DMD: variants seen among roughly 807,000 people sequenced by gnomAD.
DMD encodes the protein mutant dystrophin.
In DMD, 63 loss-of-function variants were observed where a neutral mutation model predicts 330.1. That is an observed-to-expected ratio of 0.19 (90% CI 0.16 to 0.24). The LOEUF (loss-of-function observed/expected upper bound fraction) is 0.24. Among genes scored for constraint, DMD ranks in the 10% least tolerant of loss-of-function variants. DMD has a pLI of 1.00. For missense variants in DMD, 3,344 were observed against 2,684.1 expected, an observed-to-expected ratio of 1.25 and a Z score of -5.43; for synonymous variants, 1,223 against 959.8, an observed-to-expected ratio of 1.27 and a Z score of -5.07.
intron 43 of DMD, among the ~76,000 whole-genome samples, chrX:32,240,870 A>G (rs2148060926): frequency 9.0e-6 from 1 of 111,527 alleles, no homozygotes; most frequent in East Asian, 2.8e-4. Context: ...TGGGGACATG[A>G]AATGTAATTG....
At position 31,121,426 on chromosome X, in the gene DMD, TTGTGTGTGTGTGTGTATG is replaced by T. The variant is rs891486611; in HGVS notation, c.*475_*492del. On this transcript the variant is annotated 3_prime_UTR_variant, in exon 79 of 79. Coordinates refer to ENST00000357033, the MANE Select transcript of DMD (RefSeq NM_004006.3). ...CAAAACAATGCGCTGCCTCAAAGTTTTGTGTGTGTGTGTGTATGTGTGTGTGTGTGTGTTTGTTTTGTT... is the reference window on the plus strand; with the variant it reads ...CAAAACAATGCGCTGCCTCAAAGTTTTGTGTGTGTGTGTGTTTGTTTTGTT... 2.1e-4 allele frequency: 22 copies of T among 103,111 alleles called. No individual in the cohort carries two copies. The highest frequency in any genetic ancestry group is 8.5e-4 in the East Asian group (3 of 3,526). The allele number at this position is 103,111 out of a possible 1,213,427, so 8.5% of individuals were successfully genotyped here. A position where few individuals can be genotyped will look rare whatever the true frequency, so the allele number is the denominator to read the frequency against.
intron 54 of DMD, among the ~76,000 whole-genome samples, chrX:31,657,470 A>G (rs991016803): frequency 4.5e-5 from 5 of 111,923 alleles, no homozygotes; most frequent in African/African-American, 1.6e-4. Flanking sequence ...GTTTGAGGAG[A>G]TACTGTCTAT....
At chrX:32,438,968 TC>T (rs1189482481) in intron 28 of DMD, among the ~76,000 whole-genome samples, 1 of 111,360 alleles carries the variant, frequency 9.0e-6, no homozygotes, top group Non-Finnish European at 1.9e-5. Flanking sequence ...TGAGAAAAGA[TC>T]ATTTTGTGAG....
At position 33,127,664 on chromosome X, in the gene DMD, CAT is replaced by C. The variant is rs766301176; in HGVS notation, c.31+83616_31+83617del. On this transcript the variant is annotated intron_variant, in intron 1 of 78. Coordinates refer to ENST00000357033, the MANE Select transcript of DMD (RefSeq NM_004006.3). The stretch of plus-strand genomic sequence containing the variant: ...ATGTACATATATGCATAAATAAGCC[CAT>C]ATATATATGTGAAACACAGGTTTTT... Among the ~76,000 whole-genome samples the C allele has an allele frequency of 3.6e-3, 362 of 100,012 alleles. 1 individual carries two copies. The highest frequency in any genetic ancestry group is 0.012 in the African/African-American group (341 of 27,596). The allele number at this position is 100,012 out of a possible 115,157, so 86.8% of individuals were successfully genotyped here. A position where few individuals can be genotyped will look rare whatever the true frequency, so the allele number is the denominator to read the frequency against.
chrX:31,515,778 G>A (rs2072129845), intron 55 of DMD, among the ~76,000 whole-genome samples: 1 of 111,763 alleles, frequency 8.9e-6, no homozygotes, highest in African/African-American at 3.3e-5. Context: ...TCGTTTTATA[G>A]CGAAGCAAAA....
At position 31,323,603 on chromosome X, in the gene DMD, A is replaced by G. The variant is rs1283306727; in HGVS notation, c.9219T>C (p.Tyr3073=). Residue 3073 remains tyrosine, a synonymous_variant, in exon 62 of 79, where the codon TAT becomes TAC. Transcript: ENST00000357033. ...RAISPNKVPY[Y]INHETQTTCW... ...ATGTGATACTTCCAACTTACTTGAT[A>G]TAGTAGGGCACTTTGTTTGGCGAGA... 8.3e-7 allele frequency: 1 copy of G among 1,206,931 alleles called. No homozygotes were observed. Among genetic ancestry groups the G allele is most frequent in the South Asian group, 1.8e-5 (1 of 56,666 alleles).
chrX:32,051,428 T>C (rs759476603), intron 44 of DMD, among the ~76,000 whole-genome samples: 2 of 110,692 alleles, frequency 1.8e-5, no homozygotes, highest in East Asian at 2.8e-4. Flanking sequence ...TGTTGAAATA[T>C]AGTGTAATGA....
upstream of DMD, among the ~76,000 whole-genome samples, chrX:33,213,221 G>A (rs1190441944): frequency 9.0e-6 from 1 of 111,563 alleles, no homozygotes; most frequent in Non-Finnish European, 1.9e-5. Flanking sequence ...GGTTCTAAAT[G>A]TAACAAAGAT....
chrX:32,150,333 A>T (rs1603627196), intron 44 of DMD, among the ~76,000 whole-genome samples: 1 of 112,393 alleles, frequency 8.9e-6, no homozygotes, highest in African/African-American at 3.2e-5. Context: ...GATGGAATGT[A>T]ATACTGTGAA....
chrX:33,158,386 C>T (rs1446894670), intron 1 of DMD, among the ~76,000 whole-genome samples: 1 of 110,934 alleles, frequency 9.0e-6, no homozygotes, highest in Non-Finnish European at 1.9e-5. Flanking sequence ...CTCTGGTTTT[C>T]GCCAGGTTCT....
chrX:33,009,997 C>CATGTGTGT (rs1196829283), intron 2 of DMD, among the ~76,000 whole-genome samples: 2 of 25,354 alleles, frequency 7.9e-5, no homozygotes, highest in African/African-American at 3.7e-4. Flanking sequence ...TGTATATACA[C>CATGTGTGT]GTATGTATGT....
At chrX:32,837,769 G>A (rs2079784806) in intron 4 of DMD, among the ~76,000 whole-genome samples, 1 of 112,037 alleles carries the variant, frequency 8.9e-6, no homozygotes, top group Admixed American at 9.5e-5. Context: ...TTTGCCCTAT[G>A]AAAGACACCA....
chrX:31,316,084 T>C (rs1212943896), intron 62 of DMD, among the ~76,000 whole-genome samples: 1 of 112,153 alleles, frequency 8.9e-6, no homozygotes, highest in East Asian at 2.8e-4. Flanking sequence ...TAGATTAAGA[T>C]AGAACGGAAT....
intron 7 of DMD, among the ~76,000 whole-genome samples, chrX:32,773,229 G>T (rs918576137): frequency 8.1e-5 from 9 of 111,456 alleles, no homozygotes; most frequent in African/African-American, 2.3e-4. Context: ...GCTAGCGAGA[G>T]AAATGTCCAA....
chrX:31,845,359 T>A (rs1025467766), intron 48 of DMD, among the ~76,000 whole-genome samples: 1 of 97,816 alleles, frequency 1.0e-5, no homozygotes, highest in East Asian at 3.4e-4. Context: ...TCAGGTGTTA[T>A]AGAGGACAGA....
At chrX:33,172,702 A>G (rs776307352) in intron 1 of DMD, among the ~76,000 whole-genome samples, 1 of 112,155 alleles carries the variant, frequency 8.9e-6, no homozygotes, top group Non-Finnish European at 1.9e-5. Flanking sequence ...CATTTAACGC[A>G]TTAGGAGGAA....
chrX:31,422,034 TATA>T (rs2063458987), intron 60 of DMD, among the ~76,000 whole-genome samples: 1 of 9,952 alleles, frequency 1.0e-4, no homozygotes, highest in African/African-American at 1.2e-4. Flanking sequence ...CACACATATA[TATA>T]TATATATTTT....
chrX:31,375,907 T>C (rs751982001), intron 60 of DMD, among the ~76,000 whole-genome samples: 1 of 112,125 alleles, frequency 8.9e-6, no homozygotes, highest in African/African-American at 3.2e-5. Context: ...TACCATACCA[T>C]TGATTCCATT....
chrX:32,831,299 T>G (rs1306079806), intron 4 of DMD, among the ~76,000 whole-genome samples: 1 of 110,811 alleles, frequency 9.0e-6, no homozygotes, highest in African/African-American at 3.3e-5. Flanking sequence ...CCATGATGGT[T>G]TACAGTAAAA....
Sources: gnomAD v4.1 joint callset for allele counts (sites outside exome capture counted in the v4.1 genomes callset) on GRCh38, gnomAD v4.1.1 for gene constraint, MANE v1.5 for transcripts, NCBI Gene and HGNC (gene_info 2026-07-23, HGNC 2026-07-21) for gene names.